The following PCDHGA4 variants were observed in gnomAD, a reference collection of about 807,000 sequenced individuals.
The protein encoded by PCDHGA4 is protocadherin gamma-A4.
A neutral mutation model predicts 54.6 loss-of-function variants in PCDHGA4; 38 were observed. That is an observed-to-expected ratio of 0.70 (90% CI 0.54 to 0.91). The LOEUF (loss-of-function observed/expected upper bound fraction) is 0.91, where lower values mean the gene tolerates loss of function less well. Among genes scored for constraint, PCDHGA4 ranks in the 40% least tolerant of loss-of-function variants. The pLI is 0.00. For missense variants in PCDHGA4, 1,298 were observed against 1,220.9 expected (o/e 1.06, Z -0.94); for synonymous variants, 511 against 512.9 (o/e 1.00, Z 0.05).
intron 1 of PCDHGA4, chr5:141,420,099 C>G: frequency 2.5e-6 from 4 of 1,613,996 alleles, no homozygotes; most frequent in Non-Finnish European, 3.4e-6. Context: ...AGTGAGGGAA[C>G]GTTGCCCTAT....
chr5:141,488,170 T>C (rs554585709), intron 1 of PCDHGA4, among the ~76,000 whole-genome samples: 2 of 152,318 alleles, frequency 1.3e-5, no homozygotes, highest in African/African-American at 2.4e-5. Context: ...ATCAGAGTGG[T>C]GGCATAGATC....
At chr5:141,393,301 G>A (rs1398078406) in intron 1 of PCDHGA4, 2 of 1,613,768 alleles carry the variant, frequency 1.2e-6, no homozygotes, top group Non-Finnish European at 1.7e-6. Context: ...CCGGATGTGG[G>A]CGTGAACTCC....
chr5:141,397,573 T>C (rs1196804839), intron 1 of PCDHGA4, among the ~76,000 whole-genome samples: 1 of 152,212 alleles, frequency 6.6e-6, no homozygotes, highest in African/African-American at 2.4e-5. Flanking sequence ...GAGCAAGAAC[T>C]GTATCATATT....
At chr5:141,369,998 A>G (rs553441989) in intron 1 of PCDHGA4, among the ~76,000 whole-genome samples, 1 of 152,372 alleles carries the variant, frequency 6.6e-6, no homozygotes, top group Admixed American at 6.5e-5. Context: ...ATAAAGCTCA[A>G]ATTAAAAGAA....
At position 141,477,577 on chromosome 5, in the gene PCDHGA4, G is replaced by T; in HGVS notation, c.2515-17230G>T. Reference sequence around the variant, plus strand: ...TAAGTGTCTGGGACCCCGACGCCCCGCAGAATGCTCGGCTTTCTTTCTTTC... The same window carrying T: ...TAAGTGTCTGGGACCCCGACGCCCCTCAGAATGCTCGGCTTTCTTTCTTTC... On this transcript the variant is annotated intron_variant, in intron 1 of 3. Transcript: ENST00000571252. The surrounding 1 kb of genome is among the most constrained non-coding windows in gnomAD (Gnocchi z 4.9). 1.2e-6 allele frequency: 2 copies of T among 1,614,124 alleles called. No homozygotes were observed. Among genetic ancestry groups the T allele is most frequent in the Non-Finnish European group, 1.7e-6 (2 of 1,180,020 alleles).
intron 1 of PCDHGA4, among the ~76,000 whole-genome samples, chr5:141,438,581 TACATAC>T (rs2097977343): frequency 4.0e-5 from 2 of 49,846 alleles, no homozygotes; most frequent in Non-Finnish European, 6.5e-5. Flanking sequence ...TATACATACA[TACATAC>T]ATACATATAT....
chr5:141,482,069 G>A (rs892777397), intron 1 of PCDHGA4, among the ~76,000 whole-genome samples: 1 of 138,078 alleles, frequency 7.2e-6, no homozygotes, highest in Non-Finnish European at 1.5e-5. Context: ...TGGGCAACAA[G>A]AACAAAACTC....
rs373297942 is a variant in PCDHGA4, at chr5:141,431,494, C to T, written c.2515-63313C>T. On this transcript the variant is annotated intron_variant, in intron 1 of 3. Coordinates refer to ENST00000571252, the MANE Select transcript of PCDHGA4 (RefSeq NM_018917.4). This position sits in a 1 kb window ranked among gnomAD's most constrained non-coding sequence, Gnocchi z 4.8. ...ACAACGCACCAGCGTTTGCTCAGCC[C>T]GAGTACCGCGCGAGCGTTCCGGAGA... 107 of 1,613,838 alleles carry T rather than the reference C, an allele frequency of 6.6e-5. No homozygotes were observed. Among genetic ancestry groups the T allele is most frequent in the Middle Eastern group, 1.6e-4 (1 of 6,084 alleles).
At chr5:141,453,058 G>C (rs2098754889) in intron 1 of PCDHGA4, among the ~76,000 whole-genome samples, 2 of 152,076 alleles carry the variant, frequency 1.3e-5, no homozygotes, top group Admixed American at 1.3e-4. Flanking sequence ...TGCAGTTTTA[G>C]AGTTTTGCCA....
rs201372696 is a variant in PCDHGA4, at chr5:141,400,469, C to T, written c.2514+42848C>T. On this transcript the variant is annotated intron_variant, in intron 1 of 3. Coordinates refer to ENST00000571252, the MANE Select transcript of PCDHGA4 (RefSeq NM_018917.4). ...CAAGACATACTTTGTGGTGATTCATCTGGGGCCTTATTTCCACTTTGTAAT... is the reference window on the plus strand; with the variant it reads ...CAAGACATACTTTGTGGTGATTCATTTGGGGCCTTATTTCCACTTTGTAAT... 15 of 1,613,944 alleles carry T rather than the reference C, an allele frequency of 9.3e-6. No individual in the cohort carries two copies. The African/African-American group carries it at 1.9e-4, about 20-fold the overall frequency.
At position 141,487,425 on chromosome 5, in the gene PCDHGA4, G is replaced by A. The variant is rs116499036; in HGVS notation, c.2515-7382G>A. ...CTTCCCCCTTCCAATGGGATCCTCCGAATCCAGCTAGGGTCAGATGACCCT... is the reference window on the plus strand; with the variant it reads ...CTTCCCCCTTCCAATGGGATCCTCCAAATCCAGCTAGGGTCAGATGACCCT... On this transcript the variant is annotated intron_variant, in intron 1 of 3. Coordinates refer to ENST00000571252, the MANE Select transcript of PCDHGA4 (RefSeq NM_018917.4). This position sits in a 1 kb window ranked among gnomAD's most constrained non-coding sequence, Gnocchi z 5.0. The A allele has an allele frequency of 1.1e-5, 17 of 1,613,988 alleles. No individual in the cohort carries two copies. The highest frequency in any genetic ancestry group is 1.6e-4 in the Middle Eastern group (1 of 6,084).
rs553440220 is a variant in PCDHGA4, at chr5:141,362,413, T to C, written c.2514+4792T>C. 178 of 1,614,024 alleles carry C rather than the reference T, an allele frequency of 1.1e-4. No homozygotes were observed. The highest frequency in any genetic ancestry group is 1.4e-4 in the Non-Finnish European group (170 of 1,179,892). On this transcript the variant is annotated intron_variant, in intron 1 of 3. Coordinates refer to ENST00000571252, the MANE Select transcript of PCDHGA4 (RefSeq NM_018917.4). Reference sequence around the variant, plus strand: ...CTACAACCTGTGTGTTGCCTCACAATCAGCCAAGACAGAGTTCAATTTTCT... The same window carrying C: ...CTACAACCTGTGTGTTGCCTCACAACCAGCCAAGACAGAGTTCAATTTTCT...
rs2099427993 is a variant in PCDHGA4, at chr5:141,477,978, T to C, written c.2515-16829T>C. Reference sequence around the variant, plus strand: ...TCCCCTAACCAGAGCCTTTTTGCCATAGGGCTGCACACTGGTCAAATCAGT... The same window carrying C: ...TCCCCTAACCAGAGCCTTTTTGCCACAGGGCTGCACACTGGTCAAATCAGT... On this transcript the variant is annotated intron_variant, in intron 1 of 3. Coordinates refer to ENST00000571252, the MANE Select transcript of PCDHGA4 (RefSeq NM_018917.4). This position sits in a 1 kb window ranked among gnomAD's most constrained non-coding sequence, Gnocchi z 4.9. 6.2e-7 allele frequency: 1 copy of C among 1,614,120 alleles called. No individual in the cohort carries two copies. Among genetic ancestry groups the C allele is most frequent in the Non-Finnish European group, 8.5e-7 (1 of 1,180,022 alleles).
chr5:141,487,485 G>A lies in PCDHGA4; in HGVS notation c.2515-7322G>A. On this transcript the variant is annotated intron_variant, in intron 1 of 3. Transcript: ENST00000571252. The surrounding 1 kb of genome is among the most constrained non-coding windows in gnomAD (Gnocchi z 5.0). ...GTTGATGTGGGAGGCCACTCTCATG[G>A]CTGTACACCCTTGGCTTCTGCACCC... The A allele has an allele frequency of 6.2e-7, 1 of 1,614,164 alleles. No homozygotes were observed. Among genetic ancestry groups the A allele is most frequent in the Non-Finnish European group, 8.5e-7 (1 of 1,180,030 alleles).
chr5:141,415,284 G>T (rs186109113), intron 1 of PCDHGA4: 1 of 1,614,198 alleles, frequency 6.2e-7, no homozygotes, highest in East Asian at 2.2e-5. Context: ...CGGTGGCCGC[G>T]GTCTCCTGCG....
chr5:141,505,277 G>A, intron 2 of PCDHGA4, 116 bp from the exon 3 acceptor site: 1 of 1,539,958 alleles, frequency 6.5e-7, no homozygotes, highest in African/African-American at 1.4e-5. Context: ...AGAGAAACAG[G>A]TCTTGGGCAT....
chr5:141,388,712 G>A, intron 1 of PCDHGA4: 1 of 1,613,986 alleles, frequency 6.2e-7, no homozygotes. Flanking sequence ...TCAATGCCGA[G>A]ATTACTTTCT....
At chr5:141,423,529 C>T in intron 1 of PCDHGA4, 1 of 1,613,754 alleles carries the variant, frequency 6.2e-7, no homozygotes, top group South Asian at 1.1e-5. Flanking sequence ...GCAGAAGAGT[C>T]ACCTGATTTT....
intron 1 of PCDHGA4, chr5:141,389,448 C>T (rs895638491): frequency 1.2e-6 from 2 of 1,610,424 alleles, no homozygotes; most frequent in Non-Finnish European, 1.7e-6. Context: ...CGACCACGAG[C>T]AGCTGCGCGC....
Sources: gnomAD v4.1 joint callset for allele counts (sites outside exome capture counted in the v4.1 genomes callset) on GRCh38, gnomAD v4.1.1 for gene constraint, Gnocchi (gnomAD v3.1) non-coding constraint, MANE v1.5 for transcripts, NCBI Gene and HGNC (gene_info 2026-07-23, HGNC 2026-07-21) for gene names.